CACNA1A: variants seen among roughly 807,000 people sequenced by gnomAD.
CACNA1A encodes the protein voltage-dependent P/Q-type calcium channel subunit alpha-1A.
Under a neutral mutation model 262.4 loss-of-function variants are expected in CACNA1A, and 57 were observed. The ratio of observed to expected loss-of-function variants is 0.22; its 90% confidence interval spans 0.18 to 0.27. The LOEUF is 0.27. Among genes scored for constraint, CACNA1A ranks in the 10% least tolerant of loss-of-function variants. CACNA1A has a pLI of 1.00. For missense variants in CACNA1A, 2,526 were observed against 3,562.8 expected, an observed-to-expected ratio of 0.71 and a Z score of 7.41; for synonymous variants, 1,431 against 1,419.3, an observed-to-expected ratio of 1.01 and a Z score of -0.18.
intron 31 of CACNA1A, among the ~76,000 whole-genome samples, chr19:13,238,000 G>A (rs1418399356): frequency 6.6e-6 from 1 of 152,204 alleles, no homozygotes; most frequent in Non-Finnish European, 1.5e-5. Flanking sequence ...AAAAAGCCAG[G>A]GATCTGGCAG....
chr19:13,221,897 G>A lies in CACNA1A; in HGVS notation c.5731+2770C>T, dbSNP rs937133915. On this transcript the variant is annotated intron_variant, in intron 38 of 46. Transcript: ENST00000360228. ...AGCTAGGTCTTTGGGGGAATTTCTC[G>A]GTATTTTTTATTTTTATTTTTATTT... 4.0e-5 allele frequency among the ~76,000 whole-genome samples: 6 copies of A among 151,882 alleles called. No homozygotes were observed. In the South Asian group the frequency reaches 8.3e-4, roughly 21 times the overall value.
intron 31 of CACNA1A, among the ~76,000 whole-genome samples, chr19:13,238,591 C>T (rs2144662221): frequency 3.1e-5 from 1 of 32,688 alleles, no homozygotes; most frequent in African/African-American, 1.2e-4. Context: ...CTCTATCACC[C>T]AGTATTTTTT....
intron 28 of CACNA1A, 39 bp from the exon 29 acceptor site, chr19:13,255,298 G>T: frequency 6.5e-7 from 1 of 1,535,000 alleles, no homozygotes; most frequent in Non-Finnish European, 8.8e-7. Flanking sequence ...GGCAGAGGCA[G>T]GAGGAAGGTG....
intron 31 of CACNA1A, among the ~76,000 whole-genome samples, chr19:13,242,154 T>C (rs928987483): frequency 3.3e-5 from 5 of 152,190 alleles, no homozygotes; most frequent in Admixed American, 1.3e-4. Context: ...AAATTGACTG[T>C]AACTCAGGGC....
intron 3 of CACNA1A, among the ~76,000 whole-genome samples, chr19:13,383,816 GTTTA>G (rs1255895615): frequency 1.3e-5 from 2 of 152,002 alleles, no homozygotes; most frequent in African/African-American, 2.4e-5. Flanking sequence ...TTGTTTGTTT[GTTTA>G]TTTATTTATT....
rs1318000670 is a variant in CACNA1A at position 13,241,432 on chromosome 19, A to G, written c.4950+3750T>C. The G allele has an allele frequency of 1.3e-5, 11 of 856,464 alleles. No individual in the cohort carries two copies. The highest frequency in any genetic ancestry group is 2.1e-5 in the Non-Finnish European group (11 of 525,224). 53.1% of individuals were successfully genotyped at this position (856,464 alleles called of 1,614,324 possible). ...GAGCGTCAGGCATCCCACGTTGGAG[A>G]GGCAGGGTGTGGCATGCAATGCCGA... On this transcript the variant is annotated intron_variant, in intron 31 of 46. Coordinates refer to ENST00000360228, the MANE Select transcript of CACNA1A (RefSeq NM_001127222.2). This position sits in a 1 kb window ranked among gnomAD's most constrained non-coding sequence, Gnocchi z 4.0.
chr19:13,230,820 AAAG>A (rs2055637089), intron 35 of CACNA1A, among the ~76,000 whole-genome samples: 2 of 151,622 alleles, frequency 1.3e-5, no homozygotes, highest in East Asian at 1.9e-4. Context: ...GAAAAAAAAA[AAAG>A]AGAGAGAGAG....
chr19:13,485,008 G>A (rs559635581), intron 1 of CACNA1A, among the ~76,000 whole-genome samples: 4 of 152,128 alleles, frequency 2.6e-5, no homozygotes, highest in Admixed American at 6.5e-5. Flanking sequence ...TGTCATATCC[G>A]TCACTGTAAC....
At chr19:13,369,404 C>G (rs2059279025) in intron 4 of CACNA1A, among the ~76,000 whole-genome samples, 1 of 151,892 alleles carries the variant, frequency 6.6e-6, no homozygotes, top group African/African-American at 2.4e-5. Flanking sequence ...CCCAGCCCCA[C>G]CCTGCTGATC....
chr19:13,283,220 G>A (rs757849301), intron 22 of CACNA1A, 47 bp downstream of exon 22: 5 of 1,599,954 alleles, frequency 3.1e-6, no homozygotes, highest in Admixed American at 3.4e-5. Context: ...AAAGTGGCCT[G>A]AGGCAGAGCA....
intron 24 of CACNA1A, among the ~76,000 whole-genome samples, chr19:13,267,579 G>T (rs1449659698): frequency 6.6e-6 from 1 of 152,134 alleles, no homozygotes; most frequent in Non-Finnish European, 1.5e-5. Flanking sequence ...ATGTCTAAAA[G>T]GTTGTGAGCT....
chr19:13,296,052 G>A (rs1488521690), intron 19 of CACNA1A, among the ~76,000 whole-genome samples: 1 of 152,088 alleles, frequency 6.6e-6, no homozygotes, highest in Non-Finnish European at 1.5e-5. Flanking sequence ...TCACTTCATG[G>A]TGATTTTGTG....
At position 13,294,190 on chromosome 19, in the gene CACNA1A, C is replaced by G. The variant is rs1436889861; in HGVS notation, c.3089+4354G>C. Among the ~76,000 whole-genome samples, 3 of 131,464 alleles carry G rather than the reference C, an allele frequency of 2.3e-5. No homozygotes were observed. In the Admixed American group the frequency reaches 2.5e-4, roughly 11 times the overall value. 86.2% of individuals were successfully genotyped at this position (131,464 alleles called of 152,430 possible). A position where few individuals can be genotyped will look rare whatever the true frequency, so the allele number is the denominator to read the frequency against. On this transcript the variant is annotated intron_variant, in intron 19 of 46. Transcript: ENST00000360228. ...CTGCAATCCAACCTGGGCAACAGAG[C>G]AAGACCCTGCCTCAAAAAAAAAAAA... is the stretch of plus-strand genomic sequence containing the variant.
chr19:13,336,594 G>GGGGAGAGA (rs1555768097), intron 6 of CACNA1A, among the ~76,000 whole-genome samples: 2 of 65,494 alleles, frequency 3.1e-5, no homozygotes, highest in African/African-American at 1.0e-4. Context: ...AGAGAGAGAG[G>GGGGAGAGA]GAGAGAGAGA....
chr19:13,217,314 AC>A lies in CACNA1A; in HGVS notation c.5732-2707del, dbSNP rs1466926533. ...CCAGTCTCCAGCAATGAATGGTGAC[AC>A]CATTTTTGAGAATCTGAAGAATGAG... On this transcript the variant is annotated intron_variant, in intron 38 of 46. Transcript: ENST00000360228. Among the ~76,000 whole-genome samples the A allele has an allele frequency of 2.6e-5, 4 of 152,116 alleles. No homozygotes were observed. The South Asian group carries it at 6.2e-4, about 24-fold the overall frequency.
intron 45 of CACNA1A, 91 bp downstream of exon 45, chr19:13,209,221 T>A (rs901263420): frequency 7.2e-7 from 1 of 1,396,160 alleles, no homozygotes; most frequent in Non-Finnish European, 9.4e-7. Flanking sequence ...CCTCTCCCTT[T>A]CTTCTTCCTT....
At chr19:13,406,509 A>ATATGTATGTATG (rs1555781830) in intron 3 of CACNA1A, among the ~76,000 whole-genome samples, 6 of 109,656 alleles carry the variant, frequency 5.5e-5, no homozygotes, top group East Asian at 4.3e-4. Context: ...ATATATATAT[A>ATATGTATGTATG]TATGAAGGGA....
At chr19:13,343,723 G>C (rs2058713169) in intron 6 of CACNA1A, among the ~76,000 whole-genome samples, 1 of 152,036 alleles carries the variant, frequency 6.6e-6, no homozygotes, top group South Asian at 2.1e-4. Context: ...ACATGCTCCT[G>C]AACAACCATT....
chr19:13,208,713 T>C, intron 46 of CACNA1A, 43 bp downstream of exon 46: 2 of 1,528,118 alleles, frequency 1.3e-6, no homozygotes, highest in Non-Finnish European at 8.7e-7. Context: ...CCTCCCCGCC[T>C]CCCGGCCGAG....
Sources: allele counts gnomAD v4.1 joint callset (sites outside exome capture counted in the v4.1 genomes callset), GRCh38; gene constraint gnomAD v4.1.1; non-coding constraint Gnocchi (gnomAD v3.1); transcripts MANE v1.5; gene names NCBI Gene and HGNC (gene_info 2026-07-23, HGNC 2026-07-21).